The following KAZN variants were observed in gnomAD, a reference collection of about 807,000 sequenced individuals.
KAZN encodes the protein kazrin, periplakin interacting protein, also known as kazrin.
KAZN carries 40 observed loss-of-function variants against 87.4 expected under a neutral mutation model. The observed-to-expected ratio is 0.46, with a 90% CI of 0.36 to 0.60. The LOEUF (loss-of-function observed/expected upper bound fraction) is 0.60, where lower values mean the gene tolerates loss of function less well. Among genes scored for constraint, KAZN ranks in the 20% least tolerant of loss-of-function variants. The pLI, the probability that KAZN is intolerant of heterozygous loss-of-function variation, is 0.00. For missense variants in KAZN, 898 were observed against 1,073.9 expected, an observed-to-expected ratio of 0.84 and a Z score of 2.29; for synonymous variants, 466 against 458.3, an observed-to-expected ratio of 1.02 and a Z score of -0.22.
chr1:14,260,430 A>G (rs1429378974), intron 2 of KAZN, among the ~76,000 whole-genome samples: 3 of 152,198 alleles, frequency 2.0e-5, no homozygotes, highest in Non-Finnish European at 4.4e-5. Flanking sequence ...AGAGAACAGC[A>G]GGTGCAAAGG....
intron 2 of KAZN, among the ~76,000 whole-genome samples, chr1:14,447,551 T>G (rs192726429): frequency 1.9e-4 from 29 of 152,208 alleles, no homozygotes; most frequent in African/African-American, 6.5e-4. Flanking sequence ...CCACCACATT[T>G]TAACAACCTA....
At chr1:14,073,617 T>A (rs1316416582) in intron 1 of KAZN, among the ~76,000 whole-genome samples, 3 of 152,154 alleles carry the variant, frequency 2.0e-5, no homozygotes, top group Admixed American at 6.5e-5. Context: ...GTTCTCATTG[T>A]TCAGCTCCCA....
intron 1 of KAZN, among the ~76,000 whole-genome samples, chr1:14,661,881 A>T (rs923582963): frequency 6.6e-6 from 1 of 152,168 alleles, no homozygotes; most frequent in Non-Finnish European, 1.5e-5. Context: ...ACGCCACTGC[A>T]CTCCAGCCTG....
chr1:13,912,055 G>A (rs1639671523), intron 1 of KAZN, among the ~76,000 whole-genome samples: 1 of 152,164 alleles, frequency 6.6e-6, no homozygotes, highest in South Asian at 2.1e-4. Context: ...TCTAATGTAG[G>A]CACTATGAAG....
chr1:14,246,105 T>C (rs1401307720), intron 2 of KAZN, among the ~76,000 whole-genome samples: 1 of 152,166 alleles, frequency 6.6e-6, no homozygotes, highest in Non-Finnish European at 1.5e-5. Flanking sequence ...TTCTTACTTA[T>C]AAGTGAGAGC....
intron 1 of KAZN, among the ~76,000 whole-genome samples, chr1:14,758,101 G>C (rs1044727212): frequency 7.3e-6 from 1 of 136,248 alleles, no homozygotes; most frequent in African/African-American, 2.9e-5. Context: ...TTGTTTGTTT[G>C]TTTCTTTGTT....
chr1:15,082,659 G>A (rs1186748478), intron 8 of KAZN, among the ~76,000 whole-genome samples: 1 of 152,128 alleles, frequency 6.6e-6, no homozygotes, highest in Non-Finnish European at 1.5e-5. Context: ...GAATTTACAA[G>A]GCCTTTACCT....
chr1:14,807,647 T>G (rs1646265245), intron 1 of KAZN, among the ~76,000 whole-genome samples: 1 of 152,090 alleles, frequency 6.6e-6, no homozygotes, highest in Non-Finnish European at 1.5e-5. Flanking sequence ...TGTGCACCTG[T>G]GGTCCCAGCT....
chr1:14,204,687 A>C (rs987087131), intron 2 of KAZN, among the ~76,000 whole-genome samples: 1 of 152,370 alleles, frequency 6.6e-6, no homozygotes, highest in South Asian at 2.1e-4. Context: ...GATTAAAAAA[A>C]CCTTTTATTT....
At chr1:14,849,222 C>G (rs1469874078) in intron 1 of KAZN, among the ~76,000 whole-genome samples, 5 of 152,178 alleles carry the variant, frequency 3.3e-5, no homozygotes, top group African/African-American at 1.2e-4. Flanking sequence ...TCATGAAGTG[C>G]TGACTGATTC....
At chr1:14,982,472 C>A (rs1351337868) in intron 2 of KAZN, among the ~76,000 whole-genome samples, 1 of 142,416 alleles carries the variant, frequency 7.0e-6, no homozygotes, top group African/African-American at 2.7e-5. Flanking sequence ...CTCTGTCACC[C>A]AGTCTGGAGT....
Position 15,101,714 on chromosome 1 carries a change from C to A in KAZN, c.1719C>A (p.Phe573Leu). ...LEKHLNVSKK[F>L]HQVSILLGIE... The stretch of plus-strand genomic sequence containing the variant: ...AGCACCTGAACGTGTCCAAGAAGTT[C>A]CACCAGGTCAGCATCCTGCTGGGGA... The change falls in exon 11 of 15, where the codon TTC (phenylalanine) becomes TTA (leucine). Residue 573 changes from phenylalanine (F) to leucine (L), a missense_variant. Transcript: ENST00000376030. 1 of 1,595,426 alleles carries A rather than the reference C, an allele frequency of 6.3e-7. No homozygotes were observed. The highest frequency in any genetic ancestry group is 8.5e-7 in the Non-Finnish European group (1 of 1,170,816).
chr1:13,949,788 G>GCAGA (rs1387612732), intron 1 of KAZN, among the ~76,000 whole-genome samples: 2 of 152,136 alleles, frequency 1.3e-5, no homozygotes, highest in Admixed American at 6.5e-5. Context: ...ACCCAGACAG[G>GCAGA]CAGACCCCAA....
intron 1 of KAZN, among the ~76,000 whole-genome samples, chr1:13,933,403 A>G (rs1640603686): frequency 6.6e-6 from 1 of 152,014 alleles, no homozygotes; most frequent in Non-Finnish European, 1.5e-5. Context: ...GACGGAGGAG[A>G]ATTGCTTGAA....
At chr1:13,988,783 C>G (rs1486188634) in intron 1 of KAZN, among the ~76,000 whole-genome samples, 1 of 152,114 alleles carries the variant, frequency 6.6e-6, no homozygotes, top group Non-Finnish European at 1.5e-5. Flanking sequence ...TACAGCAATT[C>G]TTAATATGTT....
At chr1:14,179,023 T>G (rs1646140693) in intron 1 of KAZN, among the ~76,000 whole-genome samples, 1 of 152,138 alleles carries the variant, frequency 6.6e-6, no homozygotes, top group South Asian at 2.1e-4. Flanking sequence ...TGTCAACAAT[T>G]TATGGACACG....
At chr1:14,979,108 C>A (rs1352309582) in intron 2 of KAZN, among the ~76,000 whole-genome samples, 1 of 151,810 alleles carries the variant, frequency 6.6e-6, no homozygotes, top group South Asian at 2.1e-4. Flanking sequence ...TTCACCATGT[C>A]GGCCAGGCTG....
At chr1:13,953,007 A>G (rs1641411001) in intron 1 of KAZN, among the ~76,000 whole-genome samples, 1 of 152,196 alleles carries the variant, frequency 6.6e-6, no homozygotes, top group Admixed American at 6.5e-5. Context: ...CTGCCTGATG[A>G]TCAACAGAAT....
intron 1 of KAZN, among the ~76,000 whole-genome samples, chr1:14,722,460 G>A (rs762124075): frequency 6.6e-6 from 1 of 152,108 alleles, no homozygotes; most frequent in Non-Finnish European, 1.5e-5. Flanking sequence ...CAGGGTCAAG[G>A]TTTGTTTGTT....
Sources: gnomAD v4.1 joint callset for allele counts (sites outside exome capture counted in the v4.1 genomes callset) on GRCh38, gnomAD v4.1.1 for gene constraint, MANE v1.5 for transcripts, NCBI Gene and HGNC (gene_info 2026-07-23, HGNC 2026-07-21) for gene names.